Variants in PIEZO1 observed in about 807,000 individuals in gnomAD.
PIEZO1 encodes piezo type mechanosensitive ion channel component 1 (Er blood group).
In PIEZO1, 296 loss-of-function variants were observed where a neutral mutation model predicts 297.2. The ratio of observed to expected loss-of-function variants is 1.00; its 90% confidence interval spans 0.91 to 1.10. PIEZO1 has a LOEUF of 1.10. Ranked by LOEUF, PIEZO1 falls within the 50% of genes least tolerant of loss-of-function variation. PIEZO1 has a pLI of 0.00. For missense variants in PIEZO1, 5,018 were observed against 3,455.5 expected (o/e 1.45, Z -11.34); for synonymous variants, 2,427 against 1,507.5 (o/e 1.61, Z -14.13).
At chr16:88,755,350 C>T (rs917609473) in intron 1 of PIEZO1, among the ~76,000 whole-genome samples, 5 of 152,346 alleles carry the variant, frequency 3.3e-5, no homozygotes, top group South Asian at 2.1e-4. Flanking sequence ...TGCAGGAGCA[C>T]CTACTCCCTG....
chr16:88,736,464 C>T, intron 11 of PIEZO1, 56 bp from the exon 12 acceptor site: 2 of 1,262,760 alleles, frequency 1.6e-6, no homozygotes, highest in Non-Finnish European at 1.1e-6. Flanking sequence ...AGGCGATGCC[C>T]CACACCTGCG....
chr16:88,784,301 G>A (rs979691927), intron 1 of PIEZO1, among the ~76,000 whole-genome samples: 1 of 152,242 alleles, frequency 6.6e-6, no homozygotes, highest in Non-Finnish European at 1.5e-5. Context: ...GAGGACCAGG[G>A]AGGAACCCAC....
intron 2 of PIEZO1, among the ~76,000 whole-genome samples, chr16:88,749,054 G>A (rs146333969): frequency 0.1 from 15,139 of 151,324 alleles, 991 homozygotes; most frequent in Middle Eastern, 0.18. Context: ...TGGCTATCAC[G>A]GTGAAACCCC....
chr16:88,715,503 C>G lies in PIEZO1; in HGVS notation c.*102G>C, dbSNP rs1192359894. The stretch of plus-strand genomic sequence containing the variant: ...GGGAGGATGCATCACAGCTGGCGGC[C>G]TTGGACGGGGCAGTGGCTCCCCCGG... On this transcript the variant is annotated 3_prime_UTR_variant, in exon 51 of 51. Transcript: ENST00000301015. 7.9e-6 allele frequency: 10 copies of G among 1,264,202 alleles called. No individual in the cohort carries two copies. The highest frequency in any genetic ancestry group is 1.1e-5 in the Non-Finnish European group (10 of 916,560). The allele number at this position is 1,264,202 out of a possible 1,614,324, so 78.3% of individuals were successfully genotyped here. A position where few individuals can be genotyped will look rare whatever the true frequency, so the allele number is the denominator to read the frequency against.
Position 88,720,664 on chromosome 16 carries a change from C to T in PIEZO1, c.5753G>A (p.Gly1918Glu). The change falls in exon 40 of 51, where the codon GGA (glycine) becomes GAA (glutamate). Residue 1918 changes from glycine (G) to glutamate (E), a missense_variant. Transcript: ENST00000301015. ...GREKRPSRSG[G>E]RVRAAGRRLQ... Reference sequence around the variant, plus strand: ...CCGCCGCCCGGCCGCCCTTACTCTTCCTCCAGAGCGGCTTGGCCTCTTCTC... The same window carrying T: ...CCGCCGCCCGGCCGCCCTTACTCTTTCTCCAGAGCGGCTTGGCCTCTTCTC... 1 of 1,548,136 alleles carries T rather than the reference C, an allele frequency of 6.5e-7. No homozygotes were observed.
rs373501879 is a variant in PIEZO1, at chr16:88,734,721, G to A, written c.1926C>T (p.Ile642=). ...LVVAYTMLVL[I]AVYTFQFQDF... ...CCTGGAACTGGAAGGTGTAGACGGC[G>A]ATGAGGACCAGCATGGTGTAGGCCA... Residue 642 remains isoleucine (I), a synonymous_variant, in exon 15 of 51, where the codon ATC becomes ATT. Transcript: ENST00000301015. 5.8e-6 allele frequency: 9 copies of A among 1,550,364 alleles called. No individual in the cohort carries two copies. The East Asian group carries it at 7.3e-5, about 13-fold the overall frequency.
Position 88,716,239 on chromosome 16 carries a change from G to A in PIEZO1, c.7088C>T (p.Pro2363Leu), listed in dbSNP as rs1315533891. 1.3e-6 allele frequency: 2 copies of A among 1,495,662 alleles called. No homozygotes were observed. The highest frequency in any genetic ancestry group is 1.8e-4 in the Middle Eastern group (1 of 5,704). The allele number at this position is 1,495,662 out of a possible 1,614,324, so 92.6% of individuals were successfully genotyped here. ...CACAGGGTTGGCTTCGGGCCCGTTG[G>A]GGGCACGGATGTACTTGGGGAAGAG... Reference protein sequence around the residue: ...PNLFPKYIRAPNGPEANPVKQ... With the variant: ...PNLFPKYIRALNGPEANPVKQ... Residue 2363 changes from proline (P) to leucine (L), a missense_variant, in exon 49 of 51, where the codon CCC becomes CTC. Physicochemically the swap from Pro to Leu is moderately conservative, Grantham distance 98 (BLOSUM62 -3). Coordinates refer to ENST00000301015, the MANE Select transcript of PIEZO1 (RefSeq NM_001142864.4).
rs1039245729 is a variant in PIEZO1, at chr16:88,726,356, C to T, written c.3896G>A (p.Arg1299His). The T allele has an allele frequency of 2.4e-5, 37 of 1,550,234 alleles. No individual in the cohort carries two copies. Among genetic ancestry groups the T allele is most frequent in the Non-Finnish European group, 2.4e-5 (28 of 1,146,908 alleles). ...GTAGTAATGGCTAAGGAAGACGCGG[C>T]GCTGCAGCAGCAGGAAGAAGAAGCA... ...SVCFFFLLLQ[R>H]RVFLSHYYLH... The change falls in exon 27 of 51, where the codon CGC (arginine) becomes CAC (histidine). Residue 1299 changes from arginine (R) to histidine (H), a missense_variant. Coordinates refer to ENST00000301015, the MANE Select transcript of PIEZO1 (RefSeq NM_001142864.4).
At position 88,738,080 on chromosome 16, in the gene PIEZO1, C is replaced by T; in HGVS notation, c.874G>A (p.Gly292Ser). 1 of 1,535,834 alleles carries T rather than the reference C, an allele frequency of 6.5e-7. No homozygotes were observed. Reference sequence around the variant, plus strand: ...TGGGGGCTGGAGCAGTTGGTGGGACCCACGAAGTCCTTGAGACCCAGCACC... The same window carrying T: ...TGGGGGCTGGAGCAGTTGGTGGGACTCACGAAGTCCTTGAGACCCAGCACC... ...ARVLGLKDFV[G>S]PTNCSSPHAL... The change falls in exon 8 of 51, where the codon GGT (glycine) becomes AGT (serine). Residue 292 changes from glycine to serine, a missense_variant. By Grantham distance (56) the Gly-to-Ser change is moderately conservative. Coordinates refer to ENST00000301015, the MANE Select transcript of PIEZO1 (RefSeq NM_001142864.4).
In PIEZO1 at chr16:88,716,548, C is replaced by T; in HGVS notation, c.6926+11G>A. ...CACCCACCCAGGCACTGCCCCAAGT[C>T]CAGGACGAACCTCTGGAAGTTCCAG... On this transcript the variant is annotated intron_variant, in intron 47 of 50. Coordinates refer to ENST00000301015, the MANE Select transcript of PIEZO1 (RefSeq NM_001142864.4). 6.5e-7 allele frequency: 1 copy of T among 1,539,872 alleles called. No homozygotes were observed. The highest frequency in any genetic ancestry group is 8.8e-7 in the Non-Finnish European group (1 of 1,140,172).
chr16:88,723,948 G>A lies in PIEZO1; in HGVS notation c.4258C>T (p.Leu1420=), dbSNP rs1245620773. ...ATVIHSGDYF[L]FESDSEEEEE... is the part of the protein sequence containing the mutation. ...TCTTCCTCACTGTCGGACTCAAACA[G>A]GAAGTAGTCCCCGGAGTGGATGACT... Residue 1420 remains leucine (L), a synonymous_variant, in exon 31 of 51, where the codon CTG becomes TTG. Coordinates refer to ENST00000301015, the MANE Select transcript of PIEZO1 (RefSeq NM_001142864.4). The A allele has an allele frequency of 2.6e-6, 4 of 1,548,728 alleles. No individual in the cohort carries two copies. The highest frequency in any genetic ancestry group is 1.4e-5 in the African/African-American group (1 of 73,184).
chr16:88,773,927 A>C (rs1907541542), intron 1 of PIEZO1, among the ~76,000 whole-genome samples: 1 of 151,922 alleles, frequency 6.6e-6, no homozygotes, highest in African/African-American at 2.4e-5. Flanking sequence ...ATCCCTGACC[A>C]CCAACACCTC....
Position 88,720,012 on chromosome 16 carries a change from C to T in PIEZO1, c.6165-52G>A, listed in dbSNP as rs974491302. The T allele has an allele frequency of 1.6e-5, 25 of 1,548,366 alleles. No homozygotes were observed. The Admixed American group carries it at 2.6e-4, about 16-fold the overall frequency. ...CCCCATCAGAAACAGCCCCGCAGGG[C>T]CCCCAGCCTGCACTGCCCCGCCCCT... On this transcript the variant is annotated intron_variant, in intron 42 of 50. Coordinates refer to ENST00000301015, the MANE Select transcript of PIEZO1 (RefSeq NM_001142864.4).
At position 88,733,887 on chromosome 16, in the gene PIEZO1, C is replaced by A. The variant is rs2306050; in HGVS notation, c.2329+19G>T. Reference sequence around the variant, plus strand: ...CACAGCAGACTGGGTGGCAGCTGTGCTCTGCCCGCCCAACCCACCTTCAGG... The same window carrying A: ...CACAGCAGACTGGGTGGCAGCTGTGATCTGCCCGCCCAACCCACCTTCAGG... On this transcript the variant is annotated intron_variant, in intron 17 of 50. Transcript: ENST00000301015. The A allele has an allele frequency of 6.8e-7, 1 of 1,477,936 alleles. No homozygotes were observed. The highest frequency in any genetic ancestry group is 2.3e-5 in the Admixed American group (1 of 43,472). The allele number at this position is 1,477,936 out of a possible 1,614,324, so 91.6% of individuals were successfully genotyped here.
At chr16:88,730,368 C>CGGAGGA (rs777963454) in intron 22 of PIEZO1, among the ~76,000 whole-genome samples, 1 of 151,924 alleles carries the variant, frequency 6.6e-6, no homozygotes, top group African/African-American at 2.4e-5. Context: ...ATTTGGGAGG[C>CGGAGGA]GGGTGGATCA....
chr16:88,772,548 A>T (rs1287576033), intron 1 of PIEZO1, among the ~76,000 whole-genome samples: 1 of 152,092 alleles, frequency 6.6e-6, no homozygotes, highest in African/African-American at 2.4e-5. Context: ...TGGGAGGCCG[A>T]GGCAAGCAGA....
In PIEZO1 at chr16:88,746,889, G is replaced by C. The variant is rs532527407; in HGVS notation, c.160+2495C>G. ...AACGCCAGGGGCCTGGGAACAGACA[G>C]AACCGGCTCCACAGAGCAAAGGGGA... On this transcript the variant is annotated intron_variant, in intron 2 of 50. Coordinates refer to ENST00000301015, the MANE Select transcript of PIEZO1 (RefSeq NM_001142864.4). Among the ~76,000 whole-genome samples the C allele has an allele frequency of 4.6e-5, 7 of 152,352 alleles. No individual in the cohort carries two copies. The South Asian group carries it at 1.4e-3, about 32-fold the overall frequency.
At chr16:88,773,161 G>A (rs1907501621) in intron 1 of PIEZO1, among the ~76,000 whole-genome samples, 1 of 152,246 alleles carries the variant, frequency 6.6e-6, no homozygotes, top group Non-Finnish European at 1.5e-5. Context: ...CCTTCCTCCT[G>A]GGTCTCATTG....
chr16:88,762,797 C>T (rs574083017), intron 1 of PIEZO1, among the ~76,000 whole-genome samples: 64 of 152,316 alleles, frequency 4.2e-4, no homozygotes, highest in African/African-American at 1.5e-3. Flanking sequence ...CTTCAGCCGC[C>T]CTGCACACAA....
Sources: allele counts gnomAD v4.1 joint callset (sites outside exome capture counted in the v4.1 genomes callset), GRCh38; gene constraint gnomAD v4.1.1; transcripts MANE v1.5; gene names NCBI Gene and HGNC (gene_info 2026-07-23, HGNC 2026-07-21).